Variants in PCNX2 observed in about 807,000 individuals in gnomAD.
PCNX2 encodes pecanex-like protein 2.
A neutral mutation model predicts 223.8 loss-of-function variants in PCNX2; 168 were observed. The ratio of observed to expected loss-of-function variants is 0.75; its 90% confidence interval spans 0.66 to 0.85. The LOEUF is 0.85. Ranked by LOEUF, PCNX2 falls within the 40% of genes least tolerant of loss-of-function variation. The probability of loss-of-function intolerance (pLI) is 0.00; values close to 1 mark genes in which losing one functional copy is unlikely to be tolerated. For missense variants in PCNX2, 2,507 were observed against 2,675.5 expected, an observed-to-expected ratio of 0.94 and a Z score of 1.39; for synonymous variants, 1,006 against 1,052.6, an observed-to-expected ratio of 0.96 and a Z score of 0.86.
Position 233,283,961 on chromosome 1 carries a change from G to A in PCNX2, c.153+11365C>T, listed in dbSNP as rs146170769. ...CTGACACTACCTTAACCAATGATGCGGGTTGGGGAGAGGTGGGAGAATTCT... is the reference window on the plus strand; with the variant it reads ...CTGACACTACCTTAACCAATGATGCAGGTTGGGGAGAGGTGGGAGAATTCT... On this transcript the variant is annotated intron_variant, in intron 1 of 33. Coordinates refer to ENST00000258229, the MANE Select transcript of PCNX2 (RefSeq NM_014801.4). Among the ~76,000 whole-genome samples the A allele has an allele frequency of 1.9e-3, 296 of 152,222 alleles. 1 individual carries two copies. Among genetic ancestry groups the A allele is most frequent in the African/African-American group, 6.5e-3 (268 of 41,530 alleles).
At chr1:233,301,323 G>A in the PCNX2 span, among the ~76,000 whole-genome samples, 1 of 152,174 alleles carries the variant, frequency 6.6e-6, no homozygotes, top group African/African-American at 2.4e-5. Context: ...GTATTACAGA[G>A]AAGCAATTGG....
intron 19 of PCNX2, among the ~76,000 whole-genome samples, chr1:233,157,370 A>G (rs1174862193): frequency 1.3e-5 from 2 of 152,138 alleles, no homozygotes; most frequent in South Asian, 2.1e-4. Context: ...GTGGGATAGG[A>G]TTATATAATA....
intron 8 of PCNX2, among the ~76,000 whole-genome samples, chr1:233,245,331 A>G (rs1659042488): frequency 6.6e-6 from 1 of 152,272 alleles, no homozygotes; most frequent in South Asian, 2.1e-4. Flanking sequence ...GATGAATTTC[A>G]GAGAGGACTG....
chr1:233,129,647 C>T (rs1280076156), intron 21 of PCNX2, among the ~76,000 whole-genome samples: 1 of 152,202 alleles, frequency 6.6e-6, no homozygotes, highest in Non-Finnish European at 1.5e-5. Context: ...CACCAATCAG[C>T]ACCCTGTGTC....
At chr1:233,222,000 T>A (rs1657406769) in intron 10 of PCNX2, among the ~76,000 whole-genome samples, 1 of 152,176 alleles carries the variant, frequency 6.6e-6, no homozygotes, top group Admixed American at 6.5e-5. Flanking sequence ...CTGTGAGTGG[T>A]GCCATAAGTA....
At chr1:233,224,359 C>T (rs1013003675) in intron 10 of PCNX2, among the ~76,000 whole-genome samples, 14 of 152,278 alleles carry the variant, frequency 9.2e-5, no homozygotes, top group Non-Finnish European at 1.3e-4. Flanking sequence ...GGAACTGCAA[C>T]GGCAGGAACC....
intron 21 of PCNX2, among the ~76,000 whole-genome samples, chr1:233,132,094 G>C (rs1175092611): frequency 6.6e-6 from 1 of 151,848 alleles, no homozygotes; most frequent in Non-Finnish European, 1.5e-5. Context: ...CCGCCACCAC[G>C]CCCGGCTAAA....
In PCNX2 at chr1:233,001,872, T is replaced by C. The variant is rs1469914464; in HGVS notation, c.4953-191A>G. ...CAGCCCATGTTTGGGCCCTCATAAG[T>C]GCTAGTGTCATGGCGTGGGCGTTGT... On this transcript the variant is annotated intron_variant, in intron 28 of 33. Coordinates refer to ENST00000258229, the MANE Select transcript of PCNX2 (RefSeq NM_014801.4). This position sits in a 1 kb window ranked among gnomAD's most constrained non-coding sequence, Gnocchi z 4.2. Among the ~76,000 whole-genome samples the C allele has an allele frequency of 6.6e-6, 1 of 152,174 alleles. No homozygotes were observed. The highest frequency in any genetic ancestry group is 1.9e-4 in the East Asian group (1 of 5,198).
chr1:233,151,527 T>G (rs1009544147), intron 19 of PCNX2, among the ~76,000 whole-genome samples: 1 of 152,226 alleles, frequency 6.6e-6, no homozygotes, highest in Non-Finnish European at 1.5e-5. Context: ...CCATTCATTT[T>G]AGCTCCATAT....
At chr1:233,133,283 G>C (rs1676611397) in intron 21 of PCNX2, among the ~76,000 whole-genome samples, 1 of 152,112 alleles carries the variant, frequency 6.6e-6, no homozygotes, top group African/African-American at 2.4e-5. Flanking sequence ...AAAGATTATA[G>C]GATATAATGT....
At chr1:233,205,496 C>A (rs1307818935) in intron 13 of PCNX2, among the ~76,000 whole-genome samples, 1 of 152,144 alleles carries the variant, frequency 6.6e-6, no homozygotes, top group Non-Finnish European at 1.5e-5. Context: ...GAGTTCGAAA[C>A]TAGCCTGGCC....
chr1:233,239,234 G>A (rs553900282), intron 8 of PCNX2, among the ~76,000 whole-genome samples: 2 of 152,274 alleles, frequency 1.3e-5, no homozygotes, highest in South Asian at 2.1e-4. Flanking sequence ...AGTAGAAGGT[G>A]TACAGCACCC....
chr1:233,113,900 T>C (rs1428471747), intron 21 of PCNX2, among the ~76,000 whole-genome samples: 3 of 152,248 alleles, frequency 2.0e-5, no homozygotes, highest in Non-Finnish European at 4.4e-5. Context: ...TGACTTAGGA[T>C]ATGCTAATGA....
chr1:233,235,429 G>A (rs1207160077), intron 9 of PCNX2, among the ~76,000 whole-genome samples: 4 of 152,064 alleles, frequency 2.6e-5, no homozygotes, highest in African/African-American at 9.6e-5. Flanking sequence ...GGGATTACAG[G>A]TGTAAGCCAC....
intron 17 of PCNX2, among the ~76,000 whole-genome samples, chr1:233,175,701 C>CT (rs11325429): frequency 4.0e-5 from 6 of 151,276 alleles, no homozygotes; most frequent in East Asian, 1.9e-4. Context: ...AAATATTTCT[C>CT]TTTTTTTTTA....
At chr1:232,999,452 CTTTTT>C (rs61543110) in intron 30 of PCNX2, 73 bp from the exon 31 acceptor site, 352 of 1,169,274 alleles carry the variant, frequency 3.0e-4, no homozygotes, top group African/African-American at 3.4e-4. Context: ...TTTTCTTTTT[CTTTTT>C]TTTTTTTTTT....
the PCNX2 span, among the ~76,000 whole-genome samples, chr1:233,319,227 AC>A: frequency 2.0e-5 from 3 of 151,510 alleles, no homozygotes; most frequent in East Asian, 3.9e-4. Flanking sequence ...TGTAAACCAC[AC>A]CCCCCCATGG....
intron 21 of PCNX2, among the ~76,000 whole-genome samples, chr1:233,122,307 GA>G (rs1469518203): frequency 1.3e-5 from 2 of 152,106 alleles, no homozygotes; most frequent in African/African-American, 4.8e-5. Context: ...CTCCCATGCA[GA>G]AGAATTCAAA....
chr1:233,223,617 C>G (rs1486966726), intron 10 of PCNX2, among the ~76,000 whole-genome samples: 4 of 152,064 alleles, frequency 2.6e-5, no homozygotes, highest in Non-Finnish European at 1.5e-5. Context: ...GCCCTTGTCC[C>G]CCACCCCCTG....
Sources: allele counts gnomAD v4.1 joint callset (sites outside exome capture counted in the v4.1 genomes callset), GRCh38; gene constraint gnomAD v4.1.1; non-coding constraint Gnocchi (gnomAD v3.1); transcripts MANE v1.5; gene names NCBI Gene and HGNC (gene_info 2026-07-23, HGNC 2026-07-21).